COL11A1: variants seen among roughly 807,000 people sequenced by gnomAD.
COL11A1 encodes collagen type XI alpha 1 chain.
Under a neutral mutation model 265.2 loss-of-function variants are expected in COL11A1, and 74 were observed. That is an observed-to-expected ratio of 0.28 (90% CI 0.23 to 0.34). The LOEUF is 0.34. Among genes scored for constraint, COL11A1 ranks in the 10% least tolerant of loss-of-function variants. COL11A1 has a pLI of 1.00. For missense variants in COL11A1, 2,165 were observed against 2,263.6 expected (o/e 0.96, Z 0.88); for synonymous variants, 816 against 727.6 (o/e 1.12, Z -1.96).
chr1:102,967,322 G>A (rs1245172032), intron 37 of COL11A1, among the ~76,000 whole-genome samples: 5 of 123,102 alleles, frequency 4.1e-5, no homozygotes, highest in Non-Finnish European at 7.9e-5. Context: ...CTCACTGCAA[G>A]CTCCGCCTCC....
rs754565710 is a variant in COL11A1, at chr1:102,881,684, G to C, written c.5040+13C>G. ...TTCGTGAAAAATCGTTTCATGTTGA[G>C]GTAATAACATACCAGTTTTCCCCTC... On this transcript the variant is annotated intron_variant, in intron 65 of 66. Transcript: ENST00000370096. 2.5e-6 allele frequency: 4 copies of C among 1,601,860 alleles called. No individual in the cohort carries two copies. Among genetic ancestry groups the C allele is most frequent in the East Asian group, 2.2e-5 (1 of 44,590 alleles).
chr1:103,059,684 A>ATCAAAAATAAAT (rs1156680812), intron 4 of COL11A1, among the ~76,000 whole-genome samples: 3 of 152,158 alleles, frequency 2.0e-5, no homozygotes, highest in Non-Finnish European at 4.4e-5. Context: ...GTAACAAAGA[A>ATCAAAAATAAAT]TCAAAAATAA....
At chr1:103,066,801 TTAAC>T (rs1197039112) in intron 4 of COL11A1, among the ~76,000 whole-genome samples, 1 of 151,924 alleles carries the variant, frequency 6.6e-6, no homozygotes, top group Admixed American at 6.6e-5. Flanking sequence ...CAGGCACACT[TTAAC>T]TATGCAGACA....
rs1312249178 is a variant in COL11A1, at chr1:103,078,692, G to T, written c.454C>A (p.Pro152Thr). ...HTGKPAPEDY[P>T]LFRTVNIADG... ...GCGATGTTAACAGTTCTGAAGAGGG[G>T]ATAGTCTTCTGGGGCAGGTTTTCCA... The change falls in exon 3 of 67, where the codon CCC (proline) becomes ACC (threonine). Residue 152 changes from proline to threonine, a missense_variant. Physicochemically the swap from Pro to Thr is conservative, Grantham distance 38 (BLOSUM62 -1). Transcript: ENST00000370096. The T allele has an allele frequency of 2.5e-6, 4 of 1,613,382 alleles. No homozygotes were observed. Among genetic ancestry groups the T allele is most frequent in the South Asian group, 1.1e-5 (1 of 91,074 alleles).
At chr1:102,959,796 C>T (rs1294362287) in intron 41 of COL11A1, among the ~76,000 whole-genome samples, 2 of 152,148 alleles carry the variant, frequency 1.3e-5, no homozygotes, top group Admixed American at 6.5e-5. Flanking sequence ...ATGCAGCCTA[C>T]AAATACACTG....
At chr1:102,974,441 G>A (rs1014133670) in intron 36 of COL11A1, among the ~76,000 whole-genome samples, 23 of 152,110 alleles carry the variant, frequency 1.5e-4, no homozygotes, top group African/African-American at 5.5e-4. Flanking sequence ...AATGTTGGAG[G>A]GATTTAGGAA....
intron 54 of COL11A1, among the ~76,000 whole-genome samples, chr1:102,903,777 T>C (rs1653532271): frequency 6.6e-6 from 1 of 152,210 alleles, no homozygotes; most frequent in African/African-American, 2.4e-5. Flanking sequence ...TACCCCTCTA[T>C]GATTAGATGT....
rs144202932 is a variant in COL11A1, at chr1:102,998,463, C to T, written c.2143-100G>A. On this transcript the variant is annotated intron_variant, in intron 24 of 66. Coordinates refer to ENST00000370096, the MANE Select transcript of COL11A1 (RefSeq NM_001854.4). ...TGAAATTCTTATCCTGAGTCACTGG[C>T]TTCAATTCATAAGTAATAACCATTT... 171 of 736,514 alleles carry T rather than the reference C, an allele frequency of 2.3e-4. 1 individual carries two copies. In the East Asian group the frequency reaches 4.9e-3, roughly 21 times the overall value. 45.6% of individuals were successfully genotyped at this position (736,514 alleles called of 1,614,324 possible). A position where few individuals can be genotyped will look rare whatever the true frequency, so the allele number is the denominator to read the frequency against.
intron 1 of COL11A1, among the ~76,000 whole-genome samples, chr1:103,088,180 C>T (rs1388505905): frequency 2.0e-5 from 3 of 152,142 alleles, no homozygotes; most frequent in African/African-American, 7.2e-5. Context: ...TGCACACTCC[C>T]ATGACCAGTA....
chr1:102,946,177 T>C (rs1321896957), intron 42 of COL11A1, among the ~76,000 whole-genome samples: 1 of 94,846 alleles, frequency 1.1e-5, no homozygotes, highest in Non-Finnish European at 2.0e-5. Context: ...GGGACTGTTG[T>C]GGGGTGGGGG....
intron 62 of COL11A1, among the ~76,000 whole-genome samples, chr1:102,888,156 T>C (rs1159570318): frequency 4.6e-5 from 7 of 152,158 alleles, no homozygotes; most frequent in Non-Finnish European, 1.0e-4. Flanking sequence ...GCCTAGAACA[T>C]TTTAGTATTA....
intron 1 of COL11A1, among the ~76,000 whole-genome samples, chr1:103,090,033 A>T (rs1673186772): frequency 6.6e-6 from 1 of 152,170 alleles, no homozygotes; most frequent in South Asian, 2.1e-4. Flanking sequence ...CTGAGGCAGG[A>T]GAATCTCTTG....
At chr1:102,994,958 AG>A (rs1192416662) in intron 28 of COL11A1, among the ~76,000 whole-genome samples, 1 of 152,066 alleles carries the variant, frequency 6.6e-6, no homozygotes, top group African/African-American at 2.4e-5. Context: ...AAAGAGAGAA[AG>A]GGGAAGTACC....
At chr1:102,919,937 T>C (rs1347528245) in intron 49 of COL11A1, among the ~76,000 whole-genome samples, 2 of 152,062 alleles carry the variant, frequency 1.3e-5, no homozygotes, top group Non-Finnish European at 2.9e-5. Context: ...TGAGTACTAT[T>C]ACTAGACATT....
chr1:102,877,992 T>A lies in COL11A1; in HGVS notation c.*27A>T. 1.2e-6 allele frequency: 2 copies of A among 1,612,498 alleles called. No individual in the cohort carries two copies. The highest frequency in any genetic ancestry group is 1.7e-6 in the Non-Finnish European group (2 of 1,178,892). ...GGTGGCACCAAGGTATATTTTCTGT[T>A]GATTTGATATGTTCTTTGTCTTAAT... On this transcript the variant is annotated 3_prime_UTR_variant, in exon 67 of 67. Coordinates refer to ENST00000370096, the MANE Select transcript of COL11A1 (RefSeq NM_001854.4).
intron 10 of COL11A1, among the ~76,000 whole-genome samples, chr1:103,018,223 G>A (rs912919649): frequency 6.6e-6 from 1 of 152,158 alleles, no homozygotes; most frequent in Non-Finnish European, 1.5e-5. Flanking sequence ...AGTTGAACAT[G>A]TAGAAATCAT....
At chr1:102,938,428 ATTC>A (rs772088834) in intron 44 of COL11A1, among the ~76,000 whole-genome samples, 5 of 152,202 alleles carry the variant, frequency 3.3e-5, no homozygotes, top group South Asian at 2.1e-4. Flanking sequence ...GTCCACAGAT[ATTC>A]TTTAGAGAGT....
chr1:103,086,479 C>A lies in COL11A1; in HGVS notation c.107-3507G>T, dbSNP rs570664186. Among the ~76,000 whole-genome samples, 57 of 152,210 alleles carry A rather than the reference C, an allele frequency of 3.7e-4. 1 individual carries two copies. In the South Asian group the frequency reaches 4.2e-3, roughly 11 times the overall value. On this transcript the variant is annotated intron_variant, in intron 1 of 66. Coordinates refer to ENST00000370096, the MANE Select transcript of COL11A1 (RefSeq NM_001854.4). ...TTGCCCAGGCTGGAGTGCAGTGGCGCGATCTCGGCTCGCTGCAAGCCCCGC... is the reference window on the plus strand; with the variant it reads ...TTGCCCAGGCTGGAGTGCAGTGGCGAGATCTCGGCTCGCTGCAAGCCCCGC...
intron 24 of COL11A1, chr1:103,001,585 G>A (rs1342756453): frequency 2.2e-6 from 1 of 458,576 alleles, no homozygotes; most frequent in Admixed American, 3.8e-5. Flanking sequence ...TTTGTCACAA[G>A]CAAACTTAAT....
Sources: gnomAD v4.1 joint callset for allele counts (sites outside exome capture counted in the v4.1 genomes callset) on GRCh38, gnomAD v4.1.1 for gene constraint, MANE v1.5 for transcripts, NCBI Gene and HGNC (gene_info 2026-07-23, HGNC 2026-07-21) for gene names.